The following MACROD2 variants were observed in gnomAD, a reference collection of about 807,000 sequenced individuals.
MACROD2 encodes the protein ADP-ribose glycohydrolase MACROD2.
In MACROD2, 36 loss-of-function variants were observed where a neutral mutation model predicts 70.4. The ratio of observed to expected loss-of-function variants is 0.51; its 90% CI spans 0.39 to 0.68. The LOEUF is 0.68. Among genes scored for constraint, MACROD2 ranks in the 30% least tolerant of loss-of-function variants. The pLI, the probability that MACROD2 is intolerant of heterozygous loss-of-function variation, is 0.00. For missense variants in MACROD2, 496 were observed against 538.4 expected (o/e 0.92, Z 0.78); for synonymous variants, 172 against 178.8 (o/e 0.96, Z 0.30).
chr20:14,310,301 G>A (rs1288395754), intron 3 of MACROD2, among the ~76,000 whole-genome samples: 1 of 152,048 alleles, frequency 6.6e-6, no homozygotes, highest in Non-Finnish European at 1.5e-5. Context: ...CAGGACCCTT[G>A]ATCCTACACT....
At chr20:14,070,216 T>A (rs115920459) in intron 2 of MACROD2, among the ~76,000 whole-genome samples, 1 of 152,212 alleles carries the variant, frequency 6.6e-6, no homozygotes, top group African/African-American at 2.4e-5. Context: ...CACTAGCTAC[T>A]ATTAATTAGC....
intron 7 of MACROD2, among the ~76,000 whole-genome samples, chr20:15,432,708 T>C (rs550339078): frequency 2.7e-4 from 41 of 149,208 alleles, no homozygotes; most frequent in Admixed American, 1.1e-3. Flanking sequence ...ATCTTGATTT[T>C]CCTTGCCAAA....
intron 4 of MACROD2, among the ~76,000 whole-genome samples, chr20:14,566,209 G>T (rs1230808411): frequency 4.0e-5 from 6 of 151,870 alleles, no homozygotes; most frequent in African/African-American, 1.5e-4. Context: ...ATGGGCAAAG[G>T]GCATGAACAA....
intron 15 of MACROD2, among the ~76,000 whole-genome samples, chr20:16,005,188 C>T (rs371792214): frequency 1.1e-4 from 17 of 152,120 alleles, no homozygotes; most frequent in Non-Finnish European, 2.2e-4. Context: ...AAAATAGGAT[C>T]GGGGGCATAA....
At chr20:15,757,749 T>C (rs1329078851) in intron 8 of MACROD2, among the ~76,000 whole-genome samples, 1 of 152,144 alleles carries the variant, frequency 6.6e-6, no homozygotes, top group Non-Finnish European at 1.5e-5. Context: ...AGATAAGAGA[T>C]AGAGAAGAGA....
intron 4 of MACROD2, among the ~76,000 whole-genome samples, chr20:14,526,743 C>T (rs917579114): frequency 6.6e-6 from 1 of 152,120 alleles, no homozygotes; most frequent in African/African-American, 2.4e-5. Flanking sequence ...CTGCTGAAAC[C>T]TCTAGGGGAG....
chr20:15,067,479 A>G (rs1185855956), intron 5 of MACROD2, among the ~76,000 whole-genome samples: 1 of 152,022 alleles, frequency 6.6e-6, no homozygotes, highest in East Asian at 1.9e-4. Context: ...CCACCAGAGT[A>G]GCTGGGATTA....
At chr20:15,329,383 G>A (rs2077967215) in intron 6 of MACROD2, among the ~76,000 whole-genome samples, 1 of 151,958 alleles carries the variant, frequency 6.6e-6, no homozygotes, top group Non-Finnish European at 1.5e-5. Context: ...TGCTCATCTG[G>A]CACTTGGGTA....
chr20:14,177,246 C>T (rs976251225), intron 3 of MACROD2, among the ~76,000 whole-genome samples: 1 of 150,064 alleles, frequency 6.7e-6, no homozygotes, highest in African/African-American at 2.4e-5. Flanking sequence ...GAGAAAACTA[C>T]AAGTGATGGC....
intron 8 of MACROD2, among the ~76,000 whole-genome samples, chr20:15,777,866 G>A (rs1265548610): frequency 6.6e-6 from 1 of 152,072 alleles, no homozygotes. Flanking sequence ...GCTGGTTCTG[G>A]TTTTGAACTC....
intron 3 of MACROD2, among the ~76,000 whole-genome samples, chr20:14,249,939 A>G (rs2081997747): frequency 6.6e-6 from 1 of 152,162 alleles, no homozygotes; most frequent in Non-Finnish European, 1.5e-5. Context: ...TCATCAACCA[A>G]AGTCAAAGTA....
intron 15 of MACROD2, among the ~76,000 whole-genome samples, chr20:16,001,375 A>G (rs2066706477): frequency 6.6e-6 from 1 of 152,244 alleles, no homozygotes; most frequent in Admixed American, 6.5e-5. Context: ...TTAAGAAAAA[A>G]GAGAAAAAGG....
At chr20:14,401,002 C>T (rs963045924) in intron 3 of MACROD2, among the ~76,000 whole-genome samples, 5 of 152,150 alleles carry the variant, frequency 3.3e-5, no homozygotes, top group East Asian at 1.9e-4. Flanking sequence ...GTATCCACAT[C>T]GGTCTATACA....
At chr20:15,028,407 C>T (rs1372909348) in intron 5 of MACROD2, among the ~76,000 whole-genome samples, 4 of 152,130 alleles carry the variant, frequency 2.6e-5, no homozygotes, top group East Asian at 1.9e-4. Context: ...ACTGAATTAG[C>T]GAAGTCCAAG....
intron 7 of MACROD2, among the ~76,000 whole-genome samples, chr20:15,455,735 C>A (rs980456852): frequency 2.0e-5 from 3 of 152,090 alleles, no homozygotes; most frequent in Non-Finnish European, 4.4e-5. Context: ...GTTTTTACAG[C>A]AGATTCACTT....
chr20:14,668,092 T>C (rs1252297399), intron 4 of MACROD2, among the ~76,000 whole-genome samples: 1 of 151,930 alleles, frequency 6.6e-6, no homozygotes, highest in Non-Finnish European at 1.5e-5. Flanking sequence ...AGTTTGAGGC[T>C]GCAGTGAGCT....
intron 5 of MACROD2, among the ~76,000 whole-genome samples, chr20:15,149,872 G>A (rs2076256693): frequency 6.6e-6 from 1 of 152,174 alleles, no homozygotes; most frequent in South Asian, 2.1e-4. Context: ...GGTGGGGACA[G>A]TCTCTAAAGC....
chr20:15,921,872 TG>T (rs890393254), intron 10 of MACROD2, among the ~76,000 whole-genome samples: 3 of 152,180 alleles, frequency 2.0e-5, no homozygotes, highest in African/African-American at 7.2e-5. Context: ...GATTGTCCTG[TG>T]GGCAGCTGAG....
At chr20:15,273,089 A>G (rs1403828025) in intron 6 of MACROD2, among the ~76,000 whole-genome samples, 1 of 152,124 alleles carries the variant, frequency 6.6e-6, no homozygotes, top group Non-Finnish European at 1.5e-5. Flanking sequence ...GATACAAGGT[A>G]TTGATCCCAG....
Sources: gnomAD v4.1 joint callset for allele counts (sites outside exome capture counted in the v4.1 genomes callset) on GRCh38, gnomAD v4.1.1 for gene constraint, MANE v1.5 for transcripts, NCBI Gene and HGNC (gene_info 2026-07-23, HGNC 2026-07-21) for gene names.